The following CDCA2 variants were observed in gnomAD, a reference collection of about 807,000 sequenced individuals.
CDCA2 encodes the protein cell division cycle-associated protein 2.
A neutral mutation model predicts 67.0 loss-of-function variants in CDCA2; 44 were observed. The observed-to-expected ratio is 0.66, with a 90% CI of 0.52 to 0.84. CDCA2 has a LOEUF of 0.84. Ranked by LOEUF, CDCA2 falls within the 40% of genes least tolerant of loss-of-function variation. The probability of loss-of-function intolerance (pLI) is 0.00; values close to 1 mark genes in which losing one functional copy is unlikely to be tolerated. For missense variants in CDCA2, 1,253 were observed against 1,203.2 expected, an observed-to-expected ratio of 1.04 and a Z score of -0.61; for synonymous variants, 447 against 418.7, an observed-to-expected ratio of 1.07 and a Z score of -0.82.
At chr8:25,492,480 G>C (rs141480559) in intron 13 of CDCA2, among the ~76,000 whole-genome samples, 1 of 151,898 alleles carries the variant, frequency 6.6e-6, no homozygotes, top group South Asian at 2.1e-4. Flanking sequence ...AGAATGAATG[G>C]TATGAAAGGT....
chr8:25,482,079 C>T (rs1803593138), intron 8 of CDCA2, among the ~76,000 whole-genome samples: 1 of 152,178 alleles, frequency 6.6e-6, no homozygotes, highest in African/African-American at 2.4e-5. Flanking sequence ...AGTCTGCAGC[C>T]CTGGCTGTCT....
chr8:25,477,984 T>C (rs931868602), intron 7 of CDCA2, among the ~76,000 whole-genome samples: 2 of 151,274 alleles, frequency 1.3e-5, no homozygotes, highest in Non-Finnish European at 2.9e-5. Context: ...TGGAGTGCAG[T>C]GGTGTGATCT....
At chr8:25,492,164 T>G (rs1021790486) in intron 13 of CDCA2, among the ~76,000 whole-genome samples, 2 of 151,966 alleles carry the variant, frequency 1.3e-5, no homozygotes, top group Non-Finnish European at 2.9e-5. Context: ...CCCAGGCTGG[T>G]CTCAGACTCT....
chr8:25,485,203 TAATAATAAAG>T (rs765519097), intron 10 of CDCA2, among the ~76,000 whole-genome samples: 219 of 97,372 alleles, frequency 2.2e-3, no homozygotes, highest in Middle Eastern at 6.6e-3. Flanking sequence ...ATAATAATAA[TAATAATAAAG>T]AAAAAGCATT....
intron 13 of CDCA2, among the ~76,000 whole-genome samples, chr8:25,496,006 C>T (rs1804208748): frequency 6.6e-6 from 1 of 152,184 alleles, no homozygotes. Flanking sequence ...AATTCATGAG[C>T]ATCCCTGGTG....
rs116717294 is a variant in CDCA2 at position 25,490,571 on chromosome 8, C to T, written c.1671+1882C>T. On this transcript the variant is annotated intron_variant, in intron 13 of 14. Coordinates refer to ENST00000330560, the MANE Select transcript of CDCA2 (RefSeq NM_152562.4). ...TCATGGGAATCCCAGGAGACCCTGGCCCAGAATTGGCAGGTACGATGGATG... is the reference window on the plus strand; with the variant it reads ...TCATGGGAATCCCAGGAGACCCTGGTCCAGAATTGGCAGGTACGATGGATG... Among the ~76,000 whole-genome samples, 1,328 of 152,096 alleles carry T rather than the reference C, an allele frequency of 8.7e-3. 21 individuals are homozygous for T. The highest frequency in any genetic ancestry group is 0.03 in the African/African-American group (1,240 of 41,478).
In CDCA2 at chr8:25,463,993, A is replaced by G. The variant is rs998493066; in HGVS notation, c.387+1785A>G. ...CTTCAACTCAGATTTTACTAAAGAT[A>G]GAGGTCTGTCCTGATTCTAGCTAAG... On this transcript the variant is annotated intron_variant, in intron 4 of 14. Coordinates refer to ENST00000330560, the MANE Select transcript of CDCA2 (RefSeq NM_152562.4). Among the ~76,000 whole-genome samples the G allele has an allele frequency of 3.3e-5, 5 of 152,238 alleles. No homozygotes were observed. The East Asian group carries it at 9.6e-4, about 29-fold the overall frequency.
intron 8 of CDCA2, among the ~76,000 whole-genome samples, chr8:25,480,554 GA>G (rs1215318688): frequency 1.4e-4 from 21 of 151,890 alleles, no homozygotes; most frequent in African/African-American, 4.6e-4. Context: ...CTTTTTTCTC[GA>G]AGCTCAGTCA....
chr8:25,478,549 A>G (rs1410564868), intron 7 of CDCA2, among the ~76,000 whole-genome samples: 1 of 152,134 alleles, frequency 6.6e-6, no homozygotes, highest in Admixed American at 6.5e-5. Flanking sequence ...GCCAAAGACC[A>G]TATTATTTCT....
At chr8:25,497,419 T>C (rs1804266874) in intron 13 of CDCA2, among the ~76,000 whole-genome samples, 2 of 150,488 alleles carry the variant, frequency 1.3e-5, no homozygotes, top group African/African-American at 4.9e-5. Flanking sequence ...TAGAAGGACC[T>C]TAAGGGCATT....
intron 5 of CDCA2, among the ~76,000 whole-genome samples, chr8:25,466,839 T>C (rs1802919770): frequency 6.6e-6 from 1 of 151,882 alleles, no homozygotes; most frequent in Admixed American, 6.6e-5. Flanking sequence ...GGTCAGGAGT[T>C]CAAGACCAGC....
intron 3 of CDCA2, 97 bp from the exon 4 acceptor site, chr8:25,461,957 C>G: frequency 8.3e-7 from 1 of 1,199,200 alleles, no homozygotes; most frequent in Non-Finnish European, 1.2e-6. Context: ...ACATGTTTAT[C>G]ATGTTTTCTC....
chr8:25,480,713 G>A (rs941438755), intron 8 of CDCA2, among the ~76,000 whole-genome samples: 1 of 152,150 alleles, frequency 6.6e-6, no homozygotes, highest in Non-Finnish European at 1.5e-5. Context: ...GTTGTTAAGT[G>A]AACCCAGATA....
chr8:25,507,488 CTG>C lies in CDCA2; in HGVS notation c.2826_2827del (p.Ser943LeufsTer27), dbSNP rs772282305. ...GAAAGTATGTCTCCCATAAAAGAAA[CTG>C]TGTCCTCCAGACAAAAACCGCAGAT... On this transcript the variant is annotated frameshift_variant, in exon 15 of 15. Coordinates refer to ENST00000330560, the MANE Select transcript of CDCA2 (RefSeq NM_152562.4). LOFTEE classifies it low-confidence loss of function (END_TRUNC). 2.7e-5 allele frequency: 44 copies of C among 1,613,632 alleles called. No homozygotes were observed. The highest frequency in any genetic ancestry group is 3.5e-5 in the Non-Finnish European group (41 of 1,179,926).
chr8:25,499,420 C>G (rs1804383247), intron 13 of CDCA2, among the ~76,000 whole-genome samples: 1 of 150,304 alleles, frequency 6.7e-6, no homozygotes, highest in Non-Finnish European at 1.5e-5. Flanking sequence ...TCTCCTGCCT[C>G]AGGCTTCCCT....
Position 25,503,520 on chromosome 8 carries a change from C to T in CDCA2, c.1819C>T (p.Pro607Ser), listed in dbSNP as rs1247844230. Residue 607 changes from proline (P) to serine (S), a missense_variant, in exon 14 of 15, where the codon CCG becomes TCG. Transcript: ENST00000330560. Reference protein sequence around the residue: ...PEVPEMTPSIPSIRRLGSGYF... With the variant: ...PEVPEMTPSISSIRRLGSGYF... ...AGTCCCTGAGATGACACCTTCCATT[C>T]CGAGCATCCGAAGACTGGGTTCAGG... 5.0e-6 allele frequency: 8 copies of T among 1,611,414 alleles called. No homozygotes were observed. Among genetic ancestry groups the T allele is most frequent in the Non-Finnish European group, 6.8e-6 (8 of 1,179,394 alleles).
At chr8:25,492,768 C>G (rs1375600263) in intron 13 of CDCA2, among the ~76,000 whole-genome samples, 1 of 152,144 alleles carries the variant, frequency 6.6e-6, no homozygotes. Context: ...CTTTTAACAA[C>G]TTGGTTGTTG....
intron 6 of CDCA2, 151 bp downstream of exon 6, chr8:25,468,564 T>TGCGTGC: frequency 1.6e-5 from 7 of 447,046 alleles, no homozygotes; most frequent in Middle Eastern, 5.9e-4. Context: ...TGTGCGTGTG[T>TGCGTGC]GTGTGTGTGT....
In CDCA2 at chr8:25,466,324, G is replaced by C. The variant is rs752666246; in HGVS notation, c.537G>C (p.Leu179Phe). The change falls in exon 5 of 15, where the codon TTG becomes TTC. Residue 179 changes from leucine to phenylalanine, a missense_variant and splice_region_variant. Leu to Phe is a conservative substitution (Grantham distance 22). Coordinates refer to ENST00000330560, the MANE Select transcript of CDCA2 (RefSeq NM_152562.4). ...EAGKESEMTD[L>F]TRKEGLSACQ... is the part of the protein sequence containing the mutation. ...GAAAAGAGTCCGAGATGACAGACTTGAGTGAGTAGAAATAATTCGTTCAGT... is the reference window on the plus strand; with the variant it reads ...GAAAAGAGTCCGAGATGACAGACTTCAGTGAGTAGAAATAATTCGTTCAGT... 10 of 1,586,304 alleles carry C rather than the reference G, an allele frequency of 6.3e-6. No individual in the cohort carries two copies. The highest frequency in any genetic ancestry group is 8.5e-7 in the Non-Finnish European group (1 of 1,171,854).
Sources: gnomAD v4.1 joint callset for allele counts (sites outside exome capture counted in the v4.1 genomes callset) on GRCh38, gnomAD v4.1.1 for gene constraint, MANE v1.5 for transcripts, NCBI Gene and HGNC (gene_info 2026-07-23, HGNC 2026-07-21) for gene names.